Variants in CCDC171 observed in about 807,000 individuals in gnomAD.
CCDC171 encodes the protein coiled-coil domain containing 171, also known as coiled-coil domain-containing protein 171.
In CCDC171, 177 loss-of-function variants were observed where a neutral mutation model predicts 168.2. The ratio of observed to expected loss-of-function variants is 1.05; its 90% CI spans 0.93 to 1.19. CCDC171 has a LOEUF of 1.19. Ranked by LOEUF, CCDC171 falls within the 50% of genes most tolerant of loss-of-function variation. The pLI, the probability that CCDC171 is intolerant of heterozygous loss-of-function variation, is 0.00. For missense variants in CCDC171, 1,991 were observed against 1,539.0 expected (o/e 1.29, Z -4.91); for synonymous variants, 687 against 540.8 (o/e 1.27, Z -3.75).
intron 25 of CCDC171, among the ~76,000 whole-genome samples, chr9:15,925,416 A>G (rs985407917): frequency 1.3e-5 from 2 of 151,740 alleles, no homozygotes; most frequent in African/African-American, 4.8e-5. Flanking sequence ...TGGCTGGCGG[A>G]AGAAAGCAAA....
At chr9:16,023,060 A>T (rs1274742090) in intron 6 of CCDC171, among the ~76,000 whole-genome samples, 1 of 152,128 alleles carries the variant, frequency 6.6e-6, no homozygotes, top group Non-Finnish European at 1.5e-5. Flanking sequence ...CGGGATACTA[A>T]GGGGTTCTCA....
chr9:15,594,321 C>A, intron 6 of CCDC171, 149 bp downstream of exon 6: 1 of 555,818 alleles, frequency 1.8e-6, no homozygotes, highest in Non-Finnish European at 3.2e-6. Flanking sequence ...TGTTACATGA[C>A]AATAGGGCAA....
intron 7 of CCDC171, among the ~76,000 whole-genome samples, chr9:15,633,755 C>G (rs996550129): frequency 3.3e-5 from 5 of 152,056 alleles, no homozygotes; most frequent in East Asian, 3.9e-4. Flanking sequence ...TTCAGAATAG[C>G]AAAGACTTGG....
intron 24 of CCDC171, among the ~76,000 whole-genome samples, chr9:15,917,525 G>A (rs924073587): frequency 2.9e-4 from 44 of 151,516 alleles, no homozygotes; most frequent in African/African-American, 9.4e-4. Flanking sequence ...TTAATATTTC[G>A]CTGAATATTA....
chr9:15,876,200 C>A (rs1030050310), intron 24 of CCDC171: 1 of 152,022 alleles, frequency 6.6e-6, no homozygotes, highest in African/African-American at 2.4e-5. Flanking sequence ...ACTGTCTTTT[C>A]CAGGTTCTAA....
intron 4 of CCDC171, among the ~76,000 whole-genome samples, chr9:15,590,823 T>TTCTG (rs2041949190): frequency 6.7e-6 from 1 of 148,578 alleles, no homozygotes; most frequent in Non-Finnish European, 1.5e-5. Context: ...CTTTCTTTCT[T>TTCTG]TCTTTCTTTC....
At chr9:16,084,464 G>A in the CCDC171 span, among the ~76,000 whole-genome samples, 2 of 152,158 alleles carry the variant, frequency 1.3e-5, no homozygotes, top group African/African-American at 2.4e-5. Flanking sequence ...CAGCTTGAGA[G>A]CAACAACAGT....
At chr9:15,884,258 T>C (rs1021865742) in intron 24 of CCDC171, among the ~76,000 whole-genome samples, 3 of 117,136 alleles carry the variant, frequency 2.6e-5, no homozygotes, top group African/African-American at 8.2e-5. Flanking sequence ...GGTGCATCTT[T>C]GGGTGATTAT....
chr9:16,017,174 A>G (rs1387373647), intron 3 of CCDC171, among the ~76,000 whole-genome samples: 7 of 152,214 alleles, frequency 4.6e-5, no homozygotes, highest in Non-Finnish European at 1.0e-4. Flanking sequence ...AGGAAACCAG[A>G]AAAGTGAAAT....
At chr9:15,599,092 C>G (rs1238190842) in intron 6 of CCDC171, among the ~76,000 whole-genome samples, 1 of 152,166 alleles carries the variant, frequency 6.6e-6, no homozygotes. Context: ...TGGGCCTTGA[C>G]TCTTTATCCA....
At chr9:15,791,000 C>G (rs1164803331) in intron 21 of CCDC171, among the ~76,000 whole-genome samples, 1 of 152,056 alleles carries the variant, frequency 6.6e-6, no homozygotes, top group East Asian at 1.9e-4. Flanking sequence ...GTTACTGTAG[C>G]CTTTTAGTGT....
intron 3 of CCDC171, among the ~76,000 whole-genome samples, chr9:15,980,212 A>G (rs891334298): frequency 6.6e-6 from 1 of 152,204 alleles, no homozygotes; most frequent in South Asian, 2.1e-4. Flanking sequence ...CCTTTGTAGA[A>G]TCAAAAGGTT....
At chr9:16,102,760 G>A in the CCDC171 span, among the ~76,000 whole-genome samples, 1 of 152,168 alleles carries the variant, frequency 6.6e-6, no homozygotes, top group Non-Finnish European at 1.5e-5. Flanking sequence ...TGCTGCCCTT[G>A]AAAGTGGCCG....
the CCDC171 span, among the ~76,000 whole-genome samples, chr9:16,091,672 C>G: frequency 3.9e-5 from 6 of 152,158 alleles, no homozygotes; most frequent in Non-Finnish European, 7.3e-5. Context: ...GCTGGGAATA[C>G]CTGCAGTTGC....
chr9:16,039,126 A>G (rs913238480), upstream of CCDC171, among the ~76,000 whole-genome samples: 3 of 152,226 alleles, frequency 2.0e-5, no homozygotes, highest in Non-Finnish European at 2.9e-5. Context: ...TTTGGGAATG[A>G]TAATGAGAGT....
At chr9:15,983,846 G>GTGTGTGTGTT (rs1564100891) in intron 3 of CCDC171, among the ~76,000 whole-genome samples, 40 of 151,658 alleles carry the variant, frequency 2.6e-4, no homozygotes, top group African/African-American at 9.2e-4. Context: ...GTGTGTGTGT[G>GTGTGTGTGTT]TGTGTGTGTG....
chr9:15,675,812 CT>C (rs1439331063), intron 9 of CCDC171, among the ~76,000 whole-genome samples: 1 of 152,104 alleles, frequency 6.6e-6, no homozygotes, highest in African/African-American at 2.4e-5. Flanking sequence ...ACATTTTTTC[CT>C]TCATTTCAAT....
chr9:15,940,065 A>G (rs1478706146), intron 25 of CCDC171, among the ~76,000 whole-genome samples: 1 of 151,946 alleles, frequency 6.6e-6, no homozygotes, highest in Non-Finnish European at 1.5e-5. Context: ...TTTTGGCACT[A>G]CTTGGTACAG....
At chr9:15,899,433 A>AT (rs532364594) in intron 24 of CCDC171, among the ~76,000 whole-genome samples, 2 of 152,012 alleles carry the variant, frequency 1.3e-5, no homozygotes, top group Admixed American at 6.6e-5. Context: ...AATGACTGCC[A>AT]TTTTTTTCAT....
Sources: allele counts gnomAD v4.1 joint callset (sites outside exome capture counted in the v4.1 genomes callset), GRCh38; gene constraint gnomAD v4.1.1; transcripts MANE v1.5; gene names NCBI Gene and HGNC (gene_info 2026-07-23, HGNC 2026-07-21).